NCOA7: variants seen among roughly 807,000 people sequenced by gnomAD.
NCOA7 encodes 140 kDa estrogen receptor-associated protein.
In NCOA7, 45 loss-of-function variants were observed where a neutral mutation model predicts 104.3. The observed-to-expected ratio is 0.43, with a 90% confidence interval of 0.34 to 0.55. The LOEUF is 0.55. NCOA7 is among the 20% of genes least tolerant of loss of function. NCOA7 has a pLI of 0.02. For missense variants in NCOA7, 1,041 were observed against 1,119.7 expected (o/e 0.93, Z 1.00); for synonymous variants, 398 against 402.3 (o/e 0.99, Z 0.13).
Position 125,815,308 on chromosome 6 carries a change from T to G in NCOA7, c.-47T>G. 1.4e-6 allele frequency: 2 copies of G among 1,473,490 alleles called. No individual in the cohort carries two copies. The highest frequency in any genetic ancestry group is 1.9e-6 in the Non-Finnish European group (2 of 1,069,064). 91.3% of individuals were successfully genotyped at this position (1,473,490 alleles called of 1,614,324 possible). A position where few individuals can be genotyped will look rare whatever the true frequency, so the allele number is the denominator to read the frequency against. On this transcript the variant is annotated 5_prime_UTR_variant, in exon 2 of 16. The change creates a new upstream start codon in the 5' untranslated region. Transcript: ENST00000392477. The stretch of plus-strand genomic sequence containing the variant: ...TCTTACAGGGTTACGACTCACTGAT[T>G]AAAAAGAGGGACTTTTTCAAATACT...
intron 3 of NCOA7, among the ~76,000 whole-genome samples, chr6:125,873,592 T>C (rs528218897): frequency 3.3e-5 from 5 of 152,348 alleles, no homozygotes; most frequent in African/African-American, 1.2e-4. Flanking sequence ...TAGATAATAC[T>C]GTGATGAACA....
At chr6:125,791,245 T>C (rs1028193105) in intron 1 of NCOA7, among the ~76,000 whole-genome samples, 178 bp downstream of exon 1, 1 of 152,162 alleles carries the variant, frequency 6.6e-6, no homozygotes, top group African/African-American at 2.4e-5. Context: ...AAACCTCTGC[T>C]TGAGCTCGGG....
At chr6:125,812,046 G>A (rs569564600) in intron 1 of NCOA7, among the ~76,000 whole-genome samples, 10 of 152,270 alleles carry the variant, frequency 6.6e-5, no homozygotes, top group African/African-American at 2.4e-4. Context: ...CTCAGCATCA[G>A]TTTAATGGAA....
chr6:125,885,939 A>G (rs1266191798), intron 8 of NCOA7, among the ~76,000 whole-genome samples: 1 of 152,170 alleles, frequency 6.6e-6, no homozygotes, highest in Non-Finnish European at 1.5e-5. Context: ...GATTTATTGT[A>G]AAAAAGAGAG....
At chr6:125,786,418 A>G (rs114385133), upstream of NCOA7, among the ~76,000 whole-genome samples, 3,848 of 152,248 alleles carry the variant, frequency 0.025, 163 homozygotes, top group African/African-American at 0.087. Flanking sequence ...TTGAAACTAC[A>G]CTCAAAACTT....
intron 1 of NCOA7, among the ~76,000 whole-genome samples, chr6:125,785,438 T>A (rs1166756636): frequency 6.6e-6 from 1 of 152,218 alleles, no homozygotes; most frequent in Non-Finnish European, 1.5e-5. Flanking sequence ...ACATTAATCA[T>A]GGGGAGAAAA....
chr6:125,891,658 A>T (rs1423582057), intron 10 of NCOA7, among the ~76,000 whole-genome samples: 1 of 152,206 alleles, frequency 6.6e-6, no homozygotes, highest in African/African-American at 2.4e-5. Flanking sequence ...CTCAGTAAAC[A>T]AAATTAAATT....
intron 10 of NCOA7, among the ~76,000 whole-genome samples, chr6:125,899,558 C>T (rs1785315671): frequency 6.6e-6 from 1 of 152,160 alleles, no homozygotes. Context: ...AGTTGAAAGT[C>T]ACTAGTAAAG....
intron 2 of NCOA7, among the ~76,000 whole-genome samples, chr6:125,836,072 ATTAGT>A (rs771922789): frequency 3.9e-5 from 6 of 152,192 alleles, no homozygotes; most frequent in Non-Finnish European, 7.3e-5. Flanking sequence ...AAATTCTTTC[ATTAGT>A]TTAGGTAATT....
Position 125,791,004 on chromosome 6 carries a change from C to A in NCOA7, c.-128C>A, listed in dbSNP as rs1343364774. The stretch of plus-strand genomic sequence containing the variant: ...CGCCCAGCAGCAGAGGCCACCGCTC[C>A]CAGAAATGCATGCGACCGATCCCCT... On this transcript the variant is annotated 5_prime_UTR_variant, in exon 1 of 16. Transcript: ENST00000392477. 1 of 153,620 alleles carries A rather than the reference C, an allele frequency of 6.5e-6. No individual in the cohort carries two copies. The highest frequency in any genetic ancestry group is 1.4e-5 in the Non-Finnish European group (1 of 69,294). 9.5% of individuals were successfully genotyped at this position (153,620 alleles called of 1,614,324 possible).
At chr6:125,840,766 C>T (rs1348719929) in intron 2 of NCOA7, among the ~76,000 whole-genome samples, 1 of 151,532 alleles carries the variant, frequency 6.6e-6, no homozygotes, top group Non-Finnish European at 1.5e-5. Flanking sequence ...CTGCTTTGGC[C>T]TCCCAAAGTG....
chr6:125,848,779 C>T (rs768237904), intron 2 of NCOA7, among the ~76,000 whole-genome samples: 5 of 152,026 alleles, frequency 3.3e-5, no homozygotes, highest in Non-Finnish European at 7.4e-5. Context: ...GCACAAGTAC[C>T]CTAGGACTTA....
At chr6:125,789,849 C>T (rs1429887385), upstream of NCOA7, among the ~76,000 whole-genome samples, 1 of 152,220 alleles carries the variant, frequency 6.6e-6, no homozygotes, top group African/African-American at 2.4e-5. Context: ...AGGCCTGTAA[C>T]ACACTGTTAA....
intron 10 of NCOA7, among the ~76,000 whole-genome samples, chr6:125,905,822 A>T (rs915494274): frequency 6.6e-6 from 1 of 151,246 alleles, no homozygotes; most frequent in African/African-American, 2.4e-5. Context: ...TTTTTTGGAG[A>T]CAGAGTCTTG....
intron 10 of NCOA7, among the ~76,000 whole-genome samples, chr6:125,903,692 C>T (rs1785706660): frequency 6.8e-6 from 1 of 147,644 alleles, no homozygotes; most frequent in African/African-American, 2.5e-5. Context: ...GCTAGTAGTA[C>T]TTATTTTTAC....
At chr6:125,827,820 C>G (rs1410507080) in intron 2 of NCOA7, among the ~76,000 whole-genome samples, 3 of 152,200 alleles carry the variant, frequency 2.0e-5, no homozygotes, top group East Asian at 3.8e-4. Context: ...GGGAGAAATG[C>G]ACAGGCAATG....
At chr6:125,829,931 C>G (rs1174702395) in intron 2 of NCOA7, among the ~76,000 whole-genome samples, 4 of 152,282 alleles carry the variant, frequency 2.6e-5, no homozygotes, top group African/African-American at 9.6e-5. Context: ...TGCCTAATTT[C>G]AGAATTATAA....
chr6:125,812,907 A>G (rs908582175), intron 1 of NCOA7, among the ~76,000 whole-genome samples: 3 of 152,176 alleles, frequency 2.0e-5, no homozygotes, highest in Non-Finnish European at 4.4e-5. Context: ...ATGTCAACTC[A>G]TCAGTCTCCT....
chr6:125,923,932 A>T (rs1362931023), intron 13 of NCOA7, among the ~76,000 whole-genome samples: 2 of 152,208 alleles, frequency 1.3e-5, no homozygotes, highest in Non-Finnish European at 2.9e-5. Context: ...GATCTTTGTG[A>T]CTTTATCGTA....
Sources: allele counts gnomAD v4.1 joint callset (sites outside exome capture counted in the v4.1 genomes callset), GRCh38; gene constraint gnomAD v4.1.1; transcripts MANE v1.5; gene names NCBI Gene and HGNC (gene_info 2026-07-23, HGNC 2026-07-21).